The following MKS1 variants were observed in gnomAD, a reference collection of about 807,000 sequenced individuals.
MKS1 encodes tectonic-like complex member MKS1.
In MKS1, 70 loss-of-function variants were observed where a neutral mutation model predicts 83.7. The observed-to-expected ratio is 0.84, with a 90% CI of 0.69 to 1.02. The LOEUF (loss-of-function observed/expected upper bound fraction) is 1.02. Ranked by LOEUF, MKS1 falls within the 50% of genes least tolerant of loss-of-function variation. The probability of loss-of-function intolerance (pLI) is 0.00; values close to 1 mark genes in which losing one functional copy is unlikely to be tolerated. For missense variants in MKS1, 681 were observed against 726.9 expected, an observed-to-expected ratio of 0.94 and a Z score of 0.73; for synonymous variants, 251 against 273.4, an observed-to-expected ratio of 0.92 and a Z score of 0.81.
intron 10 of MKS1, 25 bp downstream of exon 10, chr17:58,210,955 A>G: frequency 6.2e-7 from 1 of 1,611,400 alleles, no homozygotes; most frequent in Non-Finnish European, 8.5e-7. Context: ...AAGCATCAAG[A>G]GATCTATGCT....
rs746450191 is a variant in MKS1, at chr17:58,218,655, A to G, written c.155T>C (p.Ile52Thr). 3 of 1,613,588 alleles carry G rather than the reference A, an allele frequency of 1.9e-6. No individual in the cohort carries two copies. Among genetic ancestry groups the G allele is most frequent in the African/African-American group, 1.3e-5 (1 of 74,914 alleles). Residue 52 changes from isoleucine (I) to threonine (T), a missense_variant, in exon 2 of 18, where the codon ATA (isoleucine) becomes ACA (threonine). Physicochemically the swap from Ile to Thr is moderately conservative, Grantham distance 89. Around this residue, in one of 3 missense-constraint regions of MKS1, gnomAD observed 365 missense variants for 383.8 expected, o/e 0.95. Transcript: ENST00000393119. ...CTGAGGCCTAAAAGTGGCCAAGTCT[A>G]TGAGGTCCTTCCCGAGCTCGGCAGC... Reference protein sequence around the residue: ...QPAAELGKDLIDLATFRPQPT... With the variant: ...QPAAELGKDLTDLATFRPQPT...
chr17:58,213,118 C>A (rs760132386), intron 7 of MKS1, 28 bp from the exon 8 acceptor site: 3 of 1,606,796 alleles, frequency 1.9e-6, no homozygotes, highest in Non-Finnish European at 2.6e-6. Context: ...CAGAAAGGAG[C>A]AACTCTAATA....
intron 2 of MKS1, among the ~76,000 whole-genome samples, chr17:58,217,567 G>A (rs1969292102): frequency 6.6e-6 from 1 of 152,134 alleles, no homozygotes. Flanking sequence ...CCAACATTTT[G>A]GGAGGCTAAG....
intron 17 of MKS1, 47 bp from the exon 18 acceptor site, chr17:58,206,217 C>T (rs1357547435): frequency 6.2e-7 from 1 of 1,614,018 alleles, no homozygotes; most frequent in Admixed American, 1.7e-5. Context: ...TGGTATTTCT[C>T]TCTGCACTGC....
At chr17:58,219,108 G>T in intron 1 of MKS1, 43 bp downstream of exon 1, 1 of 1,548,380 alleles carries the variant, frequency 6.5e-7, no homozygotes, top group South Asian at 1.2e-5. Context: ...ATGATCTAAG[G>T]ACACAAAAGC....
chr17:58,216,017 C>T (rs1969177086), intron 4 of MKS1, 71 bp downstream of exon 4: 3 of 1,560,816 alleles, frequency 1.9e-6, no homozygotes, highest in African/African-American at 1.4e-5. Flanking sequence ...ACATAACACA[C>T]AGAACTCAGT....
chr17:58,207,874 G>C lies in MKS1; in HGVS notation c.1273+20C>G, dbSNP rs769017468. ...GGCCTAGGGCATGTGGGCCACAGAA[G>C]GGCAGAGACGAGCGGTTACCTGGAG... On this transcript the variant is annotated intron_variant, in intron 14 of 17. Transcript: ENST00000393119. 1 of 1,600,264 alleles carries C rather than the reference G, an allele frequency of 6.2e-7. No individual in the cohort carries two copies.
chr17:58,207,583 T>C, intron 14 of MKS1: 1 of 541,960 alleles, frequency 1.8e-6, no homozygotes, highest in South Asian at 2.0e-5. Context: ...CAGATGCTTT[T>C]ATTCCAAACT....
intron 9 of MKS1, 112 bp from the exon 10 acceptor site, chr17:58,211,134 G>A (rs1968851574): frequency 5.8e-6 from 6 of 1,028,908 alleles, no homozygotes; most frequent in African/African-American, 1.6e-5. Flanking sequence ...TCAGGCCCTG[G>A]GTGTCACTAC....
In MKS1 at chr17:58,218,547, C is replaced by T. The variant is rs1207059771; in HGVS notation, c.190+73G>A. The T allele has an allele frequency of 4.2e-6, 4 of 956,360 alleles. No homozygotes were observed. The African/African-American group carries it at 5.0e-5, about 12-fold the overall frequency. 59.2% of individuals were successfully genotyped at this position (956,360 alleles called of 1,614,324 possible). A position where few individuals can be genotyped will look rare whatever the true frequency, so the allele number is the denominator to read the frequency against. On this transcript the variant is annotated intron_variant, in intron 2 of 17. Transcript: ENST00000393119. ...ATCAGAAGTATAGTATTTGTTATCT[C>T]ACTACATTTGGCCACAATTCTGATT... is the stretch of plus-strand genomic sequence containing the variant.
At chr17:58,212,859 G>T in intron 8 of MKS1, 123 bp downstream of exon 8, 1 of 889,460 alleles carries the variant, frequency 1.1e-6, no homozygotes, top group Non-Finnish European at 1.9e-6. Flanking sequence ...TGCTGCCTAA[G>T]TCAGAAGGGG....
rs1285197355 is a variant in MKS1 at position 58,213,090 on chromosome 17, C to T, written c.750G>A (p.Arg250=). 6.2e-7 allele frequency: 1 copy of T among 1,614,072 alleles called. No individual in the cohort carries two copies. Residue 250 remains arginine, a splice_region_variant and synonymous_variant, in exon 8 of 18, where the codon AGG becomes AGA. Coordinates refer to ENST00000393119, the MANE Select transcript of MKS1 (RefSeq NM_017777.4). ...CCTGCTTCTCCCCCTCCGTCTCAAT[C>T]CTGTAAGGTCAAAACCACAGAAAGG... ...PDFTGLKGPY[R]IETEGEKQEL...
chr17:58,213,725 G>A (rs1969018169), intron 7 of MKS1, 40 bp downstream of exon 7: 2 of 1,484,802 alleles, frequency 1.3e-6, no homozygotes, highest in Non-Finnish European at 1.9e-6. Context: ...ACCAAGGGAA[G>A]GAATGCCAGT....
intron 9 of MKS1, 147 bp downstream of exon 9, chr17:58,212,231 C>T: frequency 1.0e-6 from 1 of 957,788 alleles, no homozygotes; most frequent in Admixed American, 1.8e-5. Context: ...AAACACATAA[C>T]AAGGACTATA....
chr17:58,216,017 CA>C, intron 4 of MKS1, 70 bp downstream of exon 4: 1 of 1,560,816 alleles, frequency 6.4e-7, no homozygotes, highest in Non-Finnish European at 8.8e-7. Flanking sequence ...ACATAACACA[CA>C]GAACTCAGTG....
chr17:58,210,903 G>C (rs2143776708), intron 10 of MKS1, 77 bp downstream of exon 10: 1 of 1,513,448 alleles, frequency 6.6e-7, no homozygotes, highest in Non-Finnish European at 9.2e-7. Flanking sequence ...GCCTCTACCA[G>C]AGTGGAGGAG....
In MKS1 at chr17:58,207,346, T is replaced by C. The variant is rs147180861; in HGVS notation, c.1274-128A>G. 5.9e-4 allele frequency: 780 copies of C among 1,316,552 alleles called. 9 individuals are homozygous for C. The African/African-American group carries it at 8.8e-3, about 15-fold the overall frequency. The allele number at this position is 1,316,552 out of a possible 1,614,324, so 81.6% of individuals were successfully genotyped here. On this transcript the variant is annotated intron_variant, in intron 14 of 17. Transcript: ENST00000393119. Reference sequence around the variant, plus strand: ...GGTCTGGTGATGACCTGGCCTCTGGTGCAGGTTATCATGGTTACCCATAGC... The same window carrying C: ...GGTCTGGTGATGACCTGGCCTCTGGCGCAGGTTATCATGGTTACCCATAGC...
chr17:58,218,567 C>T, intron 2 of MKS1, 53 bp downstream of exon 2: 3 of 1,229,708 alleles, frequency 2.4e-6, no homozygotes, highest in Admixed American at 1.9e-5. Context: ...GGCCACAATT[C>T]TGATTAGTAT....
At chr17:58,212,545 GGC>G (rs1368611878) in intron 8 of MKS1, 111 bp from the exon 9 acceptor site, 1 of 1,200,546 alleles carries the variant, frequency 8.3e-7, no homozygotes, top group Non-Finnish European at 1.2e-6. Flanking sequence ...AAGAGCTGGA[GGC>G]GTAAGCACCT....
Sources: allele counts gnomAD v4.1 joint callset (sites outside exome capture counted in the v4.1 genomes callset), GRCh38; gene constraint gnomAD v4.1.1; regional missense constraint gnomAD v4.1.1; transcripts MANE v1.5; gene names NCBI Gene and HGNC (gene_info 2026-07-23, HGNC 2026-07-21).